Variants in ZPR1 observed in about 807,000 individuals in gnomAD.
ZPR1 encodes the protein ZPR1 zinc finger.
A neutral mutation model predicts 59.6 loss-of-function variants in ZPR1; 37 were observed. The ratio of observed to expected loss-of-function variants is 0.62; its 90% CI spans 0.48 to 0.82. ZPR1 has a LOEUF of 0.82. ZPR1 is among the 40% of genes least tolerant of loss of function. ZPR1 has a pLI of 0.00. For missense variants in ZPR1, 527 were observed against 579.9 expected (o/e 0.91, Z 0.94); for synonymous variants, 191 against 215.2 (o/e 0.89, Z 0.99).
Position 116,787,479 on chromosome 11 carries a change from C to T in ZPR1, c.333+3G>A, listed in dbSNP as rs771704461. 2 of 1,613,090 alleles carry T rather than the reference C, an allele frequency of 1.2e-6. No individual in the cohort carries two copies. Among genetic ancestry groups the T allele is most frequent in the East Asian group, 4.5e-5 (2 of 44,832 alleles). On this transcript the variant is annotated splice_donor_region_variant and intron_variant, in intron 2 of 13. Transcript: ENST00000227322. ...TGAGGTACCTGCTCTGAGGTCCTCT[C>T]ACCTCCAGAGCCCTGACAGACAAAG...
Position 116,781,437 on chromosome 11 carries a change from T to G in ZPR1, c.1179+721A>C, listed in dbSNP as rs560442486. ...TATAAAAGACCAGGAATCAAATGGC[T>G]TCAGACTTCTCAATAGCCAAAGTGG... On this transcript the variant is annotated intron_variant, in intron 12 of 13. Coordinates refer to ENST00000227322, the MANE Select transcript of ZPR1 (RefSeq NM_003904.5). 1.7e-3 allele frequency among the ~76,000 whole-genome samples: 252 copies of G among 152,320 alleles called. No individual in the cohort carries two copies. The Middle Eastern group carries it at 0.017, about 10-fold the overall frequency.
At chr11:116,780,881 G>A (rs1940794783) in intron 12 of ZPR1, among the ~76,000 whole-genome samples, 1 of 152,082 alleles carries the variant, frequency 6.6e-6, no homozygotes. Flanking sequence ...AAGGATGCAA[G>A]GAGAATAAAA....
chr11:116,782,095 A>G (rs1940815701), intron 12 of ZPR1, 63 bp downstream of exon 12: 7 of 1,262,212 alleles, frequency 5.5e-6, no homozygotes, highest in Non-Finnish European at 8.0e-6. Flanking sequence ...AGACATGAGC[A>G]TGCAGCCTCC....
At chr11:116,785,212 T>C in intron 6 of ZPR1, 66 bp from the exon 7 acceptor site, 2 of 1,571,464 alleles carry the variant, frequency 1.3e-6, no homozygotes, top group Non-Finnish European at 1.7e-6. Context: ...CACCCTGCCC[T>C]GGAGTGGGAG....
At chr11:116,784,716 A>G in intron 8 of ZPR1, 139 bp downstream of exon 8, 1 of 983,162 alleles carries the variant, frequency 1.0e-6, no homozygotes, top group Non-Finnish European at 1.6e-6. Flanking sequence ...CCCAAGGTAC[A>G]CAGTCTAATC....
rs1263186549 is a variant in ZPR1, at chr11:116,778,753, C to G, written c.*172G>C. The G allele has an allele frequency of 2.2e-5, 18 of 817,176 alleles. No homozygotes were observed. The highest frequency in any genetic ancestry group is 3.1e-5 in the Non-Finnish European group (17 of 543,096). The allele number at this position is 817,176 out of a possible 1,614,324, so 50.6% of individuals were successfully genotyped here. ...AAGTAACACAATAGGCTCACACTTG[C>G]ATCACAAGCTGTTTAGAAAGTGTGC... On this transcript the variant is annotated 3_prime_UTR_variant, in exon 14 of 14. Coordinates refer to ENST00000227322, the MANE Select transcript of ZPR1 (RefSeq NM_003904.5).
rs1940908464 is a variant in ZPR1 at position 116,787,591 on chromosome 11, A to G, written c.224T>C (p.Val75Ala). Reference sequence around the variant, plus strand: ...ACAGTGCTCGCAGGAAAAGGAGCTCACTATTATTTCTCTGAAGAAGGGAAT... The same window carrying G: ...ACAGTGCTCGCAGGAAAAGGAGCTCGCTATTATTTCTCTGAAGAAGGGAAT... The part of the protein sequence containing the change: ...TKIPFFREII[V>A]SSFSCEHCGW... The change falls in exon 2 of 14, where the codon GTG (valine) becomes GCG (alanine). Residue 75 changes from valine (V) to alanine (A), a missense_variant. Transcript: ENST00000227322. 1 of 1,614,052 alleles carries G rather than the reference A, an allele frequency of 6.2e-7. No individual in the cohort carries two copies. Among genetic ancestry groups the G allele is most frequent in the Admixed American group, 1.7e-5 (1 of 60,014 alleles).
chr11:116,785,873 C>T lies in ZPR1; in HGVS notation c.505G>A (p.Asp169Asn). 1.2e-6 allele frequency: 2 copies of T among 1,614,188 alleles called. No individual in the cohort carries two copies. The change falls in exon 5 of 14, where the codon GAT (aspartate) becomes AAT (asparagine). Residue 169 changes from aspartate (D) to asparagine (N), a missense_variant. Physicochemically the swap from Asp to Asn is conservative, Grantham distance 23. Coordinates refer to ENST00000227322, the MANE Select transcript of ZPR1 (RefSeq NM_003904.5). ...QDQPARRANK[D>N]ATAERIDEFI... is the part of the protein sequence containing the mutation. ...TCATCAATTCTTTCAGCTGTAGCAT[C>T]TTTGTTTGCCTGCCATGAACAGAGA...
At position 116,787,652 on chromosome 11, in the gene ZPR1, G is replaced by A; in HGVS notation, c.172-9C>T. On this transcript the variant is annotated splice_polypyrimidine_tract_variant and intron_variant, in intron 1 of 13. Transcript: ENST00000227322. ...AGGAGGCGCGTCATGCCCTGGTGAA[G>A]TAGAAAGTAGCTAAGGAAAAAAATC... The A allele has an allele frequency of 6.2e-7, 1 of 1,603,498 alleles. No individual in the cohort carries two copies.
intron 2 of ZPR1, 96 bp from the exon 3 acceptor site, chr11:116,787,155 A>T: frequency 8.9e-7 from 1 of 1,119,130 alleles, no homozygotes; most frequent in Non-Finnish European, 1.4e-6. Flanking sequence ...ACCGCAGCCC[A>T]GCTGTCTCTC....
chr11:116,780,579 AC>A (rs757066484), intron 12 of ZPR1, among the ~76,000 whole-genome samples: 7 of 151,688 alleles, frequency 4.6e-5, no homozygotes, highest in Non-Finnish European at 8.8e-5. Flanking sequence ...ACCTAATTTC[AC>A]CAATTCTTAA....
chr11:116,787,191 A>G, intron 2 of ZPR1, 132 bp from the exon 3 acceptor site: 1 of 835,098 alleles, frequency 1.2e-6, no homozygotes, highest in Admixed American at 2.2e-5. Flanking sequence ...CAGGGTCCAG[A>G]CTGCTCCTTT....
Position 116,785,858 on chromosome 11 carries a change from T to G in ZPR1, c.520A>C (p.Arg174=). Residue 174 remains arginine (R), a synonymous_variant, in exon 5 of 14, where the codon AGA becomes CGA. Coordinates refer to ENST00000227322, the MANE Select transcript of ZPR1 (RefSeq NM_003904.5). ...RRANKDATAE[R]IDEFIVKLKE... ...AGTTTGACAATGAACTCATCAATTCTTTCAGCTGTAGCATCTTTGTTTGCC... is the reference window on the plus strand; with the variant it reads ...AGTTTGACAATGAACTCATCAATTCGTTCAGCTGTAGCATCTTTGTTTGCC... 4 of 1,614,212 alleles carry G rather than the reference T, an allele frequency of 2.5e-6. No homozygotes were observed. Among genetic ancestry groups the G allele is most frequent in the Non-Finnish European group, 3.4e-6 (4 of 1,180,038 alleles).
rs750915908 is a variant in ZPR1, at chr11:116,778,934, C to T, written c.1371G>A (p.Pro457=). 1.1e-5 allele frequency: 18 copies of T among 1,613,600 alleles called. No homozygotes were observed. Among genetic ancestry groups the T allele is most frequent in the Non-Finnish European group, 1.4e-5 (17 of 1,179,980 alleles). Reference sequence around the variant, plus strand: ...CTTGAGCCACCCACTGCTACCGTTGCGGAGCCAGGCCTGCCTCATAGCCCT... The same window carrying T: ...CTTGAGCCACCCACTGCTACCGTTGTGGAGCCAGGCCTGCCTCATAGCCCT... The part of the protein sequence containing the change: ...KTEGYEAGLA[P]QR The change falls in exon 14 of 14, where the codon CCG becomes CCA. Residue 457 remains proline (P), a synonymous_variant. Coordinates refer to ENST00000227322, the MANE Select transcript of ZPR1 (RefSeq NM_003904.5).
At chr11:116,787,667 G>A in intron 1 of ZPR1, 24 bp from the exon 2 acceptor site, 1 of 1,598,302 alleles carries the variant, frequency 6.3e-7, no homozygotes, top group South Asian at 1.1e-5. Context: ...AAGTAGCTAA[G>A]GAAAAAAATC....
intron 12 of ZPR1, among the ~76,000 whole-genome samples, chr11:116,780,367 T>C (rs1429043239): frequency 6.7e-6 from 1 of 149,692 alleles, no homozygotes; most frequent in Non-Finnish European, 1.5e-5. Context: ...CCCAGCCCCC[T>C]TCCCACAGCT....
At chr11:116,786,655 A>G (rs1940892268) in intron 3 of ZPR1, 74 bp from the exon 4 acceptor site, 1 of 1,282,918 alleles carries the variant, frequency 7.8e-7, no homozygotes, top group Non-Finnish European at 1.1e-6. Context: ...GACCCTGGGC[A>G]ATTCACTTGA....
At position 116,787,071 on chromosome 11, in the gene ZPR1, A is replaced by G. The variant is rs78817973; in HGVS notation, c.334-12T>C. On this transcript the variant is annotated splice_polypyrimidine_tract_variant and intron_variant, in intron 2 of 13. Transcript: ENST00000227322. The stretch of plus-strand genomic sequence containing the variant: ...TCTCTGTTCATGTCCTGGGAAGAAA[A>G]GAATACGTTCAGTACAAAGAGACTG... The G allele has an allele frequency of 3.7e-3, 5,968 of 1,609,592 alleles. 73 individuals carry two copies. In the African/African-American group the frequency reaches 0.043, roughly 12 times the overall value.
rs376066985 is a variant in ZPR1, at chr11:116,784,371, C to T, written c.891+7G>A. Reference sequence around the variant, plus strand: ...AGTCTTCTTCCCAAATAATGGCGCCCACCCACCTCATTGGTCCGATGCCCA... The same window carrying T: ...AGTCTTCTTCCCAAATAATGGCGCCTACCCACCTCATTGGTCCGATGCCCA... On this transcript the variant is annotated splice_region_variant and intron_variant, in intron 9 of 13. Transcript: ENST00000227322. The T allele has an allele frequency of 8.7e-6, 14 of 1,613,790 alleles. No homozygotes were observed. The highest frequency in any genetic ancestry group is 6.7e-5 in the Admixed American group (4 of 59,998).
Sources: gnomAD v4.1 joint callset for allele counts (sites outside exome capture counted in the v4.1 genomes callset) on GRCh38, gnomAD v4.1.1 for gene constraint, MANE v1.5 for transcripts, NCBI Gene and HGNC (gene_info 2026-07-23, HGNC 2026-07-21) for gene names.